The following F13A1 variants were observed in gnomAD, a reference collection of about 807,000 sequenced individuals.
F13A1 encodes the protein FSF, A subunit.
A neutral mutation model predicts 80.1 loss-of-function variants in F13A1; 47 were observed. The ratio of observed to expected loss-of-function variants is 0.59; its 90% CI spans 0.46 to 0.75. The LOEUF (loss-of-function observed/expected upper bound fraction) is 0.75, where lower values mean the gene tolerates loss of function less well. Among genes scored for constraint, F13A1 ranks in the 30% least tolerant of loss-of-function variants. The pLI is 0.00. For synonymous variants in F13A1, 349 were observed against 344.9 expected, an observed-to-expected ratio of 1.01 and a Z score of -0.13; for missense variants, 817 against 930.4, an observed-to-expected ratio of 0.88 and a Z score of 1.59.
intron 2 of F13A1, among the ~76,000 whole-genome samples, chr6:6,318,263 A>G (rs1268084962): frequency 6.6e-6 from 1 of 152,226 alleles, no homozygotes; most frequent in East Asian, 1.9e-4. Flanking sequence ...GGTTTTGTAG[A>G]GGAAATAGTT....
At chr6:6,198,845 C>T (rs988192608) in intron 8 of F13A1, among the ~76,000 whole-genome samples, 21 of 151,994 alleles carry the variant, frequency 1.4e-4, no homozygotes, top group African/African-American at 3.6e-4. Flanking sequence ...CCTGGTAAAA[C>T]GGGTGTTGAT....
At chr6:6,218,396 C>T (rs1757134797) in intron 8 of F13A1, among the ~76,000 whole-genome samples, 1 of 152,180 alleles carries the variant, frequency 6.6e-6, no homozygotes, top group Admixed American at 6.5e-5. Context: ...GAGCAAGCGT[C>T]TTCATTAAAC....
chr6:6,303,562 A>G (rs1400248520), intron 3 of F13A1, among the ~76,000 whole-genome samples: 1 of 152,020 alleles, frequency 6.6e-6, no homozygotes, highest in African/African-American at 2.4e-5. Flanking sequence ...TTTAAAATCT[A>G]CTCTTTTAGT....
At chr6:6,191,088 C>G (rs547809445) in intron 10 of F13A1, among the ~76,000 whole-genome samples, 511 of 152,370 alleles carry the variant, frequency 3.4e-3, no homozygotes, top group African/African-American at 0.012. Context: ...TTGGCTCGCG[C>G]ACGGTGCGTG....
chr6:6,172,519 C>T (rs996291922), intron 12 of F13A1, among the ~76,000 whole-genome samples: 2 of 151,262 alleles, frequency 1.3e-5, no homozygotes, highest in African/African-American at 2.4e-5. Context: ...GATCTTGGCT[C>T]ACTGCAACCT....
rs1326538704 is a variant in F13A1 at position 6,211,015 on chromosome 6, G to A, written c.1112+11018C>T. On this transcript the variant is annotated intron_variant, in intron 8 of 14. Transcript: ENST00000264870. ...CAAAGTGCTGGGATTATAGGTGTGA[G>A]CCACCACGCCCAGTCAATAAGGATG... Among the ~76,000 whole-genome samples, 3 of 152,270 alleles carry A rather than the reference G, an allele frequency of 2.0e-5. No homozygotes were observed. In the East Asian group the frequency reaches 5.8e-4, roughly 29 times the overall value.
rs1377366641 is a variant in F13A1, at chr6:6,305,367, C to T, written c.303G>A (p.Arg101=). The change falls in exon 3 of 15, where the codon AGG becomes AGA. Residue 101 remains arginine, a synonymous_variant. Transcript: ENST00000264870. The part of the protein sequence containing the change: ...RPYDPRRDLF[R]VEYVIGRYPQ... Reference sequence around the variant, plus strand: ...GGCACTCACCAATGACGTATTCCACCCTGAAGAGATCCCTTCTGGGGTCAT... The same window carrying T: ...GGCACTCACCAATGACGTATTCCACTCTGAAGAGATCCCTTCTGGGGTCAT... The T allele has an allele frequency of 2.5e-6, 4 of 1,614,148 alleles. No homozygotes were observed. In the South Asian group the frequency reaches 4.4e-5, roughly 18 times the overall value.
At chr6:6,231,181 C>A (rs1757347446) in intron 6 of F13A1, among the ~76,000 whole-genome samples, 1 of 151,922 alleles carries the variant, frequency 6.6e-6, no homozygotes, top group South Asian at 2.1e-4. Context: ...AAGAATAATA[C>A]AAGAAGTGAA....
chr6:6,284,454 G>A (rs1758108098), intron 3 of F13A1, among the ~76,000 whole-genome samples: 1 of 152,110 alleles, frequency 6.6e-6, no homozygotes, highest in Non-Finnish European at 1.5e-5. Context: ...GAAACATAAG[G>A]GTTTCTTCCT....
intron 10 of F13A1, among the ~76,000 whole-genome samples, chr6:6,185,756 C>A (rs930184152): frequency 2.0e-5 from 3 of 152,188 alleles, no homozygotes; most frequent in African/African-American, 7.2e-5. Flanking sequence ...ATGGCTGGTT[C>A]AAATGGTATT....
chr6:6,144,624 C>A lies in F13A1; in HGVS notation c.*995G>T, dbSNP rs3024466. ...CCTGAGTGCCAAGCTGAGGTCTCAA[C>A]ATGGGTGATGTGAAGGACAAGAGAG... On this transcript the variant is annotated 3_prime_UTR_variant, in exon 15 of 15. Coordinates refer to ENST00000264870, the MANE Select transcript of F13A1 (RefSeq NM_000129.4). 20,784 of 152,174 alleles carry A rather than the reference C, an allele frequency of 0.14. 1,563 individuals are homozygous for A. The highest frequency in any genetic ancestry group is 0.17 in the Middle Eastern group (51 of 294). The allele number at this position is 152,174 out of a possible 1,614,324, so 9.4% of individuals were successfully genotyped here. A position where few individuals can be genotyped will look rare whatever the true frequency, so the allele number is the denominator to read the frequency against.
In F13A1 at chr6:6,157,482, G is replaced by C. The variant is rs1760496914; in HGVS notation, c.1909-5533C>G. Reference sequence around the variant, plus strand: ...TCTTTATTTTCTGAAATCCAGCAAAGAATCATTTGCAGCATCACCTTTTAA... The same window carrying C: ...TCTTTATTTTCTGAAATCCAGCAAACAATCATTTGCAGCATCACCTTTTAA... On this transcript the variant is annotated intron_variant, in intron 13 of 14. Coordinates refer to ENST00000264870, the MANE Select transcript of F13A1 (RefSeq NM_000129.4). Among the ~76,000 whole-genome samples the C allele has an allele frequency of 2.6e-5, 4 of 151,936 alleles. No homozygotes were observed. In the South Asian group the frequency reaches 8.3e-4, roughly 31 times the overall value.
intron 8 of F13A1, among the ~76,000 whole-genome samples, chr6:6,207,197 A>G (rs1440748190): frequency 6.6e-6 from 1 of 152,206 alleles, no homozygotes; most frequent in Non-Finnish European, 1.5e-5. Context: ...CAGTAGCCTC[A>G]GTAGCTTTGC....
At chr6:6,302,279 G>A (rs987724502) in intron 3 of F13A1, among the ~76,000 whole-genome samples, 4 of 152,124 alleles carry the variant, frequency 2.6e-5, no homozygotes, top group Admixed American at 6.5e-5. Flanking sequence ...ACGTGAATTT[G>A]TTGTCATGCA....
At position 6,200,287 on chromosome 6, in the gene F13A1, C is replaced by T. The variant is rs994170702; in HGVS notation, c.1113-2961G>A. Among the ~76,000 whole-genome samples, 3 of 152,106 alleles carry T rather than the reference C, an allele frequency of 2.0e-5. No individual in the cohort carries two copies. The East Asian group carries it at 5.8e-4, about 29-fold the overall frequency. On this transcript the variant is annotated intron_variant, in intron 8 of 14. Transcript: ENST00000264870. Reference sequence around the variant, plus strand: ...TTCTTCCTTAAGAGTGACTTAGAGGCTGGCTACAGTGGCTCACACCAGTAA... The same window carrying T: ...TTCTTCCTTAAGAGTGACTTAGAGGTTGGCTACAGTGGCTCACACCAGTAA...
At chr6:6,252,203 C>T (rs545363503) in intron 4 of F13A1, among the ~76,000 whole-genome samples, 1 of 152,282 alleles carries the variant, frequency 6.6e-6, no homozygotes, top group African/African-American at 2.4e-5. Context: ...AAGAGGATTA[C>T]TCTAGAGGAA....
At chr6:6,260,642 G>A (rs2113116212) in intron 4 of F13A1, among the ~76,000 whole-genome samples, 1 of 152,256 alleles carries the variant, frequency 6.6e-6, no homozygotes, top group East Asian at 1.9e-4. Context: ...GTTATGCTTT[G>A]CGTGCTAGGC....
At chr6:6,257,797 T>C (rs1757722756) in intron 4 of F13A1, among the ~76,000 whole-genome samples, 1 of 152,240 alleles carries the variant, frequency 6.6e-6, no homozygotes, top group South Asian at 2.1e-4. Flanking sequence ...GGATTTGTGC[T>C]AATTTGCCTG....
At chr6:6,317,559 T>A (rs1209304743) in intron 2 of F13A1, among the ~76,000 whole-genome samples, 3 of 152,122 alleles carry the variant, frequency 2.0e-5, no homozygotes, top group African/African-American at 7.2e-5. Flanking sequence ...CCTGGGCAAG[T>A]GTCTGGCTTG....
Sources: gnomAD v4.1 joint callset for allele counts (sites outside exome capture counted in the v4.1 genomes callset) on GRCh38, gnomAD v4.1.1 for gene constraint, MANE v1.5 for transcripts, NCBI Gene and HGNC (gene_info 2026-07-23, HGNC 2026-07-21) for gene names.